Variants in SLC2A9 observed in about 807,000 individuals in gnomAD.
The protein encoded by SLC2A9 is solute carrier family 2 member 9, also known as solute carrier family 2, facilitated glucose transporter member 9.
In SLC2A9, 39 loss-of-function variants were observed where a neutral mutation model predicts 50.6. The ratio of observed to expected loss-of-function variants is 0.77; its 90% CI spans 0.60 to 1.01. The LOEUF is 1.01. Among genes scored for constraint, SLC2A9 ranks in the 50% least tolerant of loss-of-function variants. The pLI, the probability that SLC2A9 is intolerant of heterozygous loss-of-function variation, is 0.00. For missense variants in SLC2A9, 686 were observed against 677.6 expected (o/e 1.01, Z -0.14); for synonymous variants, 324 against 276.9 (o/e 1.17, Z -1.69).
At chr4:9,930,747 C>T (rs1270499893) in intron 6 of SLC2A9, among the ~76,000 whole-genome samples, 3 of 152,194 alleles carry the variant, frequency 2.0e-5, no homozygotes, top group Non-Finnish European at 2.9e-5. Context: ...CAGGCAAGAG[C>T]TCTGATGTGT....
chr4:9,952,140 G>A (rs555797394), intron 5 of SLC2A9, among the ~76,000 whole-genome samples: 3 of 152,182 alleles, frequency 2.0e-5, no homozygotes, highest in Non-Finnish European at 4.4e-5. Flanking sequence ...TTGCTCATCC[G>A]TAAAGTTTAG....
chr4:9,781,933 G>A, intron 3 of SLC2A9: 3 of 1,111,614 alleles, frequency 2.7e-6, no homozygotes, highest in Non-Finnish European at 3.6e-6. Flanking sequence ...TCCCTTGGCT[G>A]AGGGGGCGCA....
intron 2 of SLC2A9, among the ~76,000 whole-genome samples, chr4:10,012,669 A>G (rs2109449938): frequency 6.6e-6 from 1 of 152,322 alleles, no homozygotes. Context: ...AGAAGTAATC[A>G]AAGGAGAGTG....
At chr4:9,939,550 T>C (rs1169928674) in intron 6 of SLC2A9, among the ~76,000 whole-genome samples, 1 of 151,970 alleles carries the variant, frequency 6.6e-6, no homozygotes, top group East Asian at 1.9e-4. Context: ...TTCGGTGCTG[T>C]CATTGGCTAG....
intron 3 of SLC2A9, chr4:9,781,940 C>A (rs1194150713): frequency 5.2e-6 from 6 of 1,148,710 alleles, no homozygotes; most frequent in Admixed American, 3.3e-5. Context: ...GCTGAGGGGG[C>A]GCATCCTCGG....
downstream of SLC2A9, among the ~76,000 whole-genome samples, chr4:9,778,716 G>T (rs867043993): frequency 1.3e-5 from 2 of 152,140 alleles, no homozygotes; most frequent in African/African-American, 2.4e-5. Context: ...TTGGAGCACC[G>T]CCCAGGTCAA....
chr4:9,916,969 G>A (rs1407234804), intron 7 of SLC2A9, among the ~76,000 whole-genome samples: 1 of 152,312 alleles, frequency 6.6e-6, no homozygotes, highest in East Asian at 1.9e-4. Flanking sequence ...CATCTCCCAG[G>A]ATGGAGACCC....
At chr4:9,805,738 A>T (rs1722039517) in intron 3 of SLC2A9, among the ~76,000 whole-genome samples, 1 of 142,128 alleles carries the variant, frequency 7.0e-6, no homozygotes, top group Admixed American at 7.1e-5. Flanking sequence ...TTTGATCTTG[A>T]TAAAGAAGCA....
chr4:9,945,140 C>A (rs1463977274), intron 5 of SLC2A9, among the ~76,000 whole-genome samples: 1 of 152,246 alleles, frequency 6.6e-6, no homozygotes, highest in African/African-American at 2.4e-5. Context: ...CAGGGGCTTG[C>A]AGCCAGGATC....
intron 5 of SLC2A9, among the ~76,000 whole-genome samples, chr4:9,963,510 G>A (rs909783308): frequency 6.6e-5 from 10 of 152,226 alleles, no homozygotes; most frequent in African/African-American, 1.4e-4. Context: ...CCCAGGGAAA[G>A]GTGGACACGC....
At chr4:9,788,263 T>G (rs1253092370) in intron 3 of SLC2A9, among the ~76,000 whole-genome samples, 1 of 152,056 alleles carries the variant, frequency 6.6e-6, no homozygotes, top group African/African-American at 2.4e-5. Context: ...TGATCACAGA[T>G]CATTGCAACC....
intron 5 of SLC2A9, among the ~76,000 whole-genome samples, chr4:9,952,159 G>A (rs544339338): frequency 6.6e-6 from 1 of 152,332 alleles, no homozygotes; most frequent in South Asian, 2.1e-4. Context: ...AGTCCACAGA[G>A]GAGGACCTCA....
chr4:10,025,657 C>T (rs1763725710), upstream of SLC2A9: 1 of 508,744 alleles, frequency 2.0e-6, no homozygotes, highest in African/African-American at 1.9e-5. Flanking sequence ...GTAATGGAGA[C>T]TTTTGCCCCA....
At chr4:9,822,504 GC>G (rs1256046120), downstream of SLC2A9, among the ~76,000 whole-genome samples, 2 of 152,046 alleles carry the variant, frequency 1.3e-5, no homozygotes, top group Non-Finnish European at 2.9e-5. Flanking sequence ...TAATATGCCA[GC>G]TTTCTTTTGA....
chr4:9,962,572 C>T (rs1052501669), intron 5 of SLC2A9, among the ~76,000 whole-genome samples: 10 of 151,952 alleles, frequency 6.6e-5, no homozygotes, highest in Non-Finnish European at 5.9e-5. Context: ...TATCGGGGGA[C>T]CTGGGCAGGG....
At chr4:9,845,082 C>T (rs949431781) in intron 10 of SLC2A9, among the ~76,000 whole-genome samples, 4 of 152,060 alleles carry the variant, frequency 2.6e-5, no homozygotes, top group African/African-American at 7.2e-5. Context: ...GGCGCAATCT[C>T]GGCTCACTGC....
chr4:10,005,597 CA>C lies in SLC2A9; in HGVS notation c.250-8657del, dbSNP rs563539496. On this transcript the variant is annotated intron_variant, in intron 2 of 11. Coordinates refer to ENST00000264784, the MANE Select transcript of SLC2A9 (RefSeq NM_020041.3). ...ATTGGTATGAGATGATGAGTCTGAT[CA>C]AAATTGTTATGAGTTGCTCCAGAAG... Among the ~76,000 whole-genome samples, 8 of 152,314 alleles carry C rather than the reference CA, an allele frequency of 5.3e-5. No individual in the cohort carries two copies. The South Asian group carries it at 1.7e-3, about 32-fold the overall frequency.
chr4:10,014,806 T>G (rs1001141734), intron 2 of SLC2A9, among the ~76,000 whole-genome samples: 32 of 152,102 alleles, frequency 2.1e-4, no homozygotes, highest in African/African-American at 6.3e-4. Context: ...TACAGCAAGG[T>G]CAACACCCAG....
At chr4:9,913,985 C>G (rs912794435) in intron 7 of SLC2A9, among the ~76,000 whole-genome samples, 3 of 152,180 alleles carry the variant, frequency 2.0e-5, no homozygotes, top group African/African-American at 7.2e-5. Flanking sequence ...CCCTACATGA[C>G]GTAACTGCAT....
Sources: gnomAD v4.1 joint callset for allele counts (sites outside exome capture counted in the v4.1 genomes callset) on GRCh38, gnomAD v4.1.1 for gene constraint, MANE v1.5 for transcripts, NCBI Gene and HGNC (gene_info 2026-07-23, HGNC 2026-07-21) for gene names.